TUSC3: variants seen among roughly 807,000 people sequenced by gnomAD.
TUSC3 encodes the protein dolichyl-diphosphooligosaccharide--protein glycosyltransferase subunit TUSC3.
In TUSC3, 45 loss-of-function variants were observed where a neutral mutation model predicts 44.8. That is an observed-to-expected ratio of 1.00 (90% CI 0.79 to 1.29). The LOEUF is 1.29. TUSC3 is among the 50% of genes most tolerant of loss of function. TUSC3 has a pLI of 0.00. For missense variants in TUSC3, 519 were observed against 437.9 expected (o/e 1.19, Z -1.65); for synonymous variants, 212 against 152.9 (o/e 1.39, Z -2.85).
intron 2 of TUSC3, among the ~76,000 whole-genome samples, chr8:15,645,180 G>T (rs1806567996): frequency 6.6e-6 from 1 of 151,936 alleles, no homozygotes; most frequent in South Asian, 2.1e-4. Flanking sequence ...ATAGTATTTT[G>T]CATAATCTAC....
At chr8:15,551,105 G>A (rs1277348840) in intron 1 of TUSC3, among the ~76,000 whole-genome samples, 1 of 151,730 alleles carries the variant, frequency 6.6e-6, no homozygotes, top group Non-Finnish European at 1.5e-5. Flanking sequence ...TAAAATGAGA[G>A]GGTTGAACAA....
intron 9 of TUSC3, among the ~76,000 whole-genome samples, chr8:15,754,291 T>G (rs1023465078): frequency 6.6e-6 from 1 of 151,356 alleles, no homozygotes; most frequent in African/African-American, 2.4e-5. Flanking sequence ...TCATAAACTC[T>G]AGGGACCAAG....
At chr8:15,784,800 G>C in the TUSC3 span, among the ~76,000 whole-genome samples, 661 of 152,230 alleles carry the variant, frequency 4.3e-3, 4 homozygotes, top group African/African-American at 0.015. Context: ...AAAGGGGACA[G>C]TTTTAGTTAG....
At chr8:15,637,716 A>T (rs1344525922) in intron 2 of TUSC3, among the ~76,000 whole-genome samples, 1 of 151,550 alleles carries the variant, frequency 6.6e-6, no homozygotes, top group African/African-American at 2.4e-5. Context: ...TGGGGTGGGG[A>T]TGGCTAGACT....
chr8:15,425,207 A>G (rs10105949), intron 1 of TUSC3, among the ~76,000 whole-genome samples: 56,946 of 152,086 alleles, frequency 0.37, 14,301 homozygotes, highest in African/African-American at 0.72. Flanking sequence ...CATTTTCAAT[A>G]AGAAATGTTA....
chr8:15,792,144 AC>A, the TUSC3 span, among the ~76,000 whole-genome samples: 3 of 140,366 alleles, frequency 2.1e-5, no homozygotes, highest in Non-Finnish European at 3.1e-5. Context: ...ACACACACAC[AC>A]CCTCTACCCA....
intron 2 of TUSC3, among the ~76,000 whole-genome samples, chr8:15,637,709 G>T (rs73526671): frequency 0.026 from 3,987 of 152,032 alleles, 69 homozygotes; most frequent in East Asian, 0.098. Context: ...TTATATGTGG[G>T]GTGGGGATGG....
intron 1 of TUSC3, among the ~76,000 whole-genome samples, chr8:15,601,412 G>A (rs1297983957): frequency 6.6e-6 from 1 of 151,588 alleles, no homozygotes; most frequent in African/African-American, 2.4e-5. Flanking sequence ...AGAGATCCAG[G>A]CACACTGAAC....
At chr8:15,759,934 C>T (rs1812102737) in intron 10 of TUSC3, among the ~76,000 whole-genome samples, 1 of 152,214 alleles carries the variant, frequency 6.6e-6, no homozygotes, top group East Asian at 1.9e-4. Context: ...TTGTCCTCAT[C>T]CTCATCCTTC....
intron 1 of TUSC3, among the ~76,000 whole-genome samples, chr8:15,465,426 C>T (rs1366752088): frequency 6.6e-6 from 1 of 152,156 alleles, no homozygotes; most frequent in African/African-American, 2.4e-5. Context: ...CCAATGTGGT[C>T]CACAATCTCA....
chr8:15,566,004 C>A (rs1285450863), intron 1 of TUSC3, among the ~76,000 whole-genome samples: 1 of 152,132 alleles, frequency 6.6e-6, no homozygotes, highest in Non-Finnish European at 1.5e-5. Context: ...AAACAAATAT[C>A]ATCGCTTATG....
At chr8:15,517,515 C>A (rs1801234158) in intron 2 of TUSC3, among the ~76,000 whole-genome samples, 1 of 98,280 alleles carries the variant, frequency 1.0e-5, no homozygotes, top group African/African-American at 4.3e-5. Flanking sequence ...TAACATTTAG[C>A]GTGAGGCAAA....
rs1156759557 is a variant in TUSC3, at chr8:15,752,837, A to G, written c.1028+4372A>G. Reference sequence around the variant, plus strand: ...AAAGCCTCTAAGAAAAATGTTGACAATTAGATAAATGTTCAGCACCAAGAT... The same window carrying G: ...AAAGCCTCTAAGAAAAATGTTGACAGTTAGATAAATGTTCAGCACCAAGAT... On this transcript the variant is annotated intron_variant, in intron 9 of 10. Coordinates refer to ENST00000503731, the MANE Select transcript of TUSC3 (RefSeq NM_006765.4). Among the ~76,000 whole-genome samples the G allele has an allele frequency of 3.3e-5, 5 of 152,164 alleles. No individual in the cohort carries two copies. The East Asian group carries it at 9.7e-4, about 29-fold the overall frequency.
At chr8:15,563,473 G>A (rs56318261) in intron 1 of TUSC3, among the ~76,000 whole-genome samples, 3 of 151,962 alleles carry the variant, frequency 2.0e-5, no homozygotes, top group Non-Finnish European at 4.4e-5. Flanking sequence ...GGATCACAAG[G>A]TCAGGAGTTT....
At chr8:15,834,600 G>A in the TUSC3 span, among the ~76,000 whole-genome samples, 1 of 151,998 alleles carries the variant, frequency 6.6e-6, no homozygotes, top group Middle Eastern at 3.2e-3. Flanking sequence ...TTTAGCAGCT[G>A]GGTAATCATT....
intron 5 of TUSC3, among the ~76,000 whole-genome samples, chr8:15,665,235 G>C (rs941435801): frequency 2.6e-5 from 4 of 151,480 alleles, no homozygotes; most frequent in Non-Finnish European, 4.4e-5. Context: ...AACCTTGTAA[G>C]AGTAGACAAC....
At chr8:15,681,218 C>CA (rs1554473848) in intron 6 of TUSC3, among the ~76,000 whole-genome samples, 2 of 147,284 alleles carry the variant, frequency 1.4e-5, no homozygotes, top group Non-Finnish European at 3.0e-5. Flanking sequence ...TTCCGTCCTC[C>CA]TTTTTTTTTG....
At chr8:15,624,639 C>T (rs888269850) in intron 2 of TUSC3, among the ~76,000 whole-genome samples, 5 of 152,032 alleles carry the variant, frequency 3.3e-5, no homozygotes, top group Non-Finnish European at 5.9e-5. Context: ...AGTCTTCTGC[C>T]CCTTTCTAAT....
chr8:15,477,803 C>G (rs1250789734), intron 1 of TUSC3, among the ~76,000 whole-genome samples: 1 of 152,098 alleles, frequency 6.6e-6, no homozygotes, highest in Non-Finnish European at 1.5e-5. Flanking sequence ...TCAAAGAATT[C>G]TACATGTGAT....
Sources: allele counts gnomAD v4.1 joint callset (sites outside exome capture counted in the v4.1 genomes callset), GRCh38; gene constraint gnomAD v4.1.1; transcripts MANE v1.5; gene names NCBI Gene and HGNC (gene_info 2026-07-23, HGNC 2026-07-21).